CATSPERB: variants seen among roughly 807,000 people sequenced by gnomAD.
The protein encoded by CATSPERB is cation channel sperm-associated auxiliary subunit beta.
A neutral mutation model predicts 128.3 loss-of-function variants in CATSPERB; 93 were observed. The ratio of observed to expected loss-of-function variants is 0.72; its 90% CI spans 0.61 to 0.86. The LOEUF is 0.86. Among genes scored for constraint, CATSPERB ranks in the 40% least tolerant of loss-of-function variants. CATSPERB has a pLI of 0.00. For missense variants in CATSPERB, 1,153 were observed against 1,329.5 expected (o/e 0.87, Z 2.06); for synonymous variants, 381 against 448.8 (o/e 0.85, Z 1.91).
intron 24 of CATSPERB, 86 bp from the exon 25 acceptor site, chr14:91,588,164 AT>A (rs535255664): frequency 1.3e-4 from 101 of 760,790 alleles, no homozygotes; most frequent in African/African-American, 9.7e-4. Context: ...TGTTTTTGCC[AT>A]TACTTTTAAT....
Position 91,624,987 on chromosome 14 carries a change from A to G in CATSPERB, c.1763T>C (p.Ile588Thr). The part of the protein sequence containing the change: ...IHSGKTGRAY[I>T]RKVLQHTTPK... The stretch of plus-strand genomic sequence containing the variant: ...AGTCGTATGTTGCAATACCTTTCTT[A>G]TGTAAGCTCTTCCAGTTTTCCTAAA... The change falls in exon 18 of 27, where the codon ATA becomes ACA. Residue 588 changes from isoleucine (I) to threonine (T), a missense_variant. Physicochemically the swap from Ile to Thr is moderately conservative, Grantham distance 89. Transcript: ENST00000256343. 6.3e-7 allele frequency: 1 copy of G among 1,583,462 alleles called. No individual in the cohort carries two copies. The highest frequency in any genetic ancestry group is 8.5e-7 in the Non-Finnish European group (1 of 1,170,792).
At chr14:91,726,154 T>C (rs1255036803) in intron 2 of CATSPERB, among the ~76,000 whole-genome samples, 1 of 152,160 alleles carries the variant, frequency 6.6e-6, no homozygotes, top group Non-Finnish European at 1.5e-5. Flanking sequence ...ATGTGCAAAC[T>C]GATTATTCCT....
chr14:91,692,316 A>G (rs1895486604), intron 9 of CATSPERB, among the ~76,000 whole-genome samples: 1 of 152,100 alleles, frequency 6.6e-6, no homozygotes, highest in Admixed American at 6.6e-5. Flanking sequence ...AGCAGTCCAG[A>G]GGTCAGGACT....
At chr14:91,596,253 G>C (rs916919826) in intron 22 of CATSPERB, among the ~76,000 whole-genome samples, 1 of 151,858 alleles carries the variant, frequency 6.6e-6, no homozygotes, top group Non-Finnish European at 1.5e-5. Flanking sequence ...ACCCAGGCTG[G>C]AGTGCAGTGG....
chr14:91,629,216 T>C (rs543706598), intron 17 of CATSPERB, among the ~76,000 whole-genome samples: 2 of 152,232 alleles, frequency 1.3e-5, no homozygotes, highest in African/African-American at 4.8e-5. Flanking sequence ...TATCAAGCCA[T>C]GAAAAGACAT....
intron 10 of CATSPERB, among the ~76,000 whole-genome samples, chr14:91,685,701 G>A (rs902000810): frequency 6.6e-6 from 1 of 152,136 alleles, no homozygotes; most frequent in African/African-American, 2.4e-5. Flanking sequence ...TTCTCTAAGT[G>A]AAATAGGAGG....
intron 15 of CATSPERB, among the ~76,000 whole-genome samples, chr14:91,657,456 T>C (rs994550689): frequency 5.3e-5 from 8 of 152,052 alleles, no homozygotes; most frequent in Non-Finnish European, 8.8e-5. Context: ...GACATTAATC[T>C]AGGCAAAGAT....
chr14:91,671,616 C>A (rs1316134456), intron 13 of CATSPERB, among the ~76,000 whole-genome samples: 4 of 150,094 alleles, frequency 2.7e-5, no homozygotes, highest in East Asian at 2.0e-4. Flanking sequence ...AACCAACCAA[C>A]AAAAAAAAAT....
chr14:91,593,698 C>G (rs1893450562), intron 22 of CATSPERB, among the ~76,000 whole-genome samples: 1 of 152,016 alleles, frequency 6.6e-6, no homozygotes, highest in Non-Finnish European at 1.5e-5. Context: ...GTAATGTGGA[C>G]TTTTGGGTTA....
At chr14:91,626,752 C>A (rs999647479) in intron 17 of CATSPERB, among the ~76,000 whole-genome samples, 1 of 152,152 alleles carries the variant, frequency 6.6e-6, no homozygotes, top group Non-Finnish European at 1.5e-5. Context: ...AAATAAATTT[C>A]TTTTCTTTAT....
chr14:91,648,369 C>A (rs1190765990), intron 15 of CATSPERB, among the ~76,000 whole-genome samples: 2 of 152,140 alleles, frequency 1.3e-5, no homozygotes. Context: ...ATCAATAAGT[C>A]ATCCCTAGGA....
At chr14:91,717,627 G>A (rs1484640798) in intron 5 of CATSPERB, among the ~76,000 whole-genome samples, 1 of 152,116 alleles carries the variant, frequency 6.6e-6, no homozygotes, top group African/African-American at 2.4e-5. Context: ...TTCAATAAAT[G>A]CTGCCTGCTA....
intron 11 of CATSPERB, among the ~76,000 whole-genome samples, chr14:91,675,200 T>C (rs541374528): frequency 6.6e-6 from 1 of 152,332 alleles, no homozygotes; most frequent in African/African-American, 2.4e-5. Context: ...GGCTTTCCTA[T>C]TCATGCTACT....
intron 6 of CATSPERB, among the ~76,000 whole-genome samples, chr14:91,707,898 T>C (rs951530977): frequency 7.2e-5 from 11 of 151,952 alleles, no homozygotes; most frequent in African/African-American, 2.7e-4. Context: ...TGAGCCACCA[T>C]GCCCAGCCTG....
At chr14:91,622,563 T>A (rs980072921) in intron 18 of CATSPERB, among the ~76,000 whole-genome samples, 1 of 152,192 alleles carries the variant, frequency 6.6e-6, no homozygotes, top group African/African-American at 2.4e-5. Context: ...AAGTAATCAT[T>A]ATCAAAATAT....
chr14:91,668,791 T>G (rs112692312), intron 14 of CATSPERB, among the ~76,000 whole-genome samples: 1 of 151,284 alleles, frequency 6.6e-6, no homozygotes, highest in Admixed American at 6.6e-5. Context: ...GCTTCACTCC[T>G]GAAGTCAGCG....
intron 5 of CATSPERB, among the ~76,000 whole-genome samples, chr14:91,714,685 G>A (rs749193681): frequency 2.0e-5 from 3 of 150,312 alleles, no homozygotes; most frequent in African/African-American, 4.9e-5. Context: ...TCAGCCTCTC[G>A]AGTAGTTGAG....
intron 1 of CATSPERB, among the ~76,000 whole-genome samples, chr14:91,730,048 A>T (rs1896188270): frequency 6.6e-6 from 1 of 152,112 alleles, no homozygotes; most frequent in Admixed American, 6.5e-5. Flanking sequence ...CTCTCCTGTA[A>T]TGCACTCCAC....
intron 14 of CATSPERB, among the ~76,000 whole-genome samples, chr14:91,660,884 A>G (rs1426858887): frequency 1.3e-5 from 2 of 152,198 alleles, no homozygotes; most frequent in East Asian, 1.9e-4. Context: ...GCAGATACCA[A>G]TAGAATATGT....
Sources: gnomAD v4.1 joint callset for allele counts (sites outside exome capture counted in the v4.1 genomes callset) on GRCh38, gnomAD v4.1.1 for gene constraint, MANE v1.5 for transcripts, NCBI Gene and HGNC (gene_info 2026-07-23, HGNC 2026-07-21) for gene names.